TEK: variants seen among roughly 807,000 people sequenced by gnomAD.
TEK encodes the protein angiopoietin-1 receptor.
A neutral mutation model predicts 131.8 loss-of-function variants in TEK; 43 were observed. That is an observed-to-expected ratio of 0.33 (90% CI 0.26 to 0.42). TEK has a LOEUF of 0.42. Ranked by LOEUF, TEK falls within the 10% of genes least tolerant of loss-of-function variation. TEK has a pLI of 1.00. For missense variants in TEK, 1,162 were observed against 1,384.4 expected, an observed-to-expected ratio of 0.84 and a Z score of 2.55; for synonymous variants, 580 against 491.6, an observed-to-expected ratio of 1.18 and a Z score of -2.38.
At chr9:27,223,918 A>G (rs1314137426) in intron 21 of TEK, among the ~76,000 whole-genome samples, 2 of 152,226 alleles carry the variant, frequency 1.3e-5, no homozygotes, top group African/African-American at 4.8e-5. Context: ...AACAAAAATG[A>G]TAAAGGGGAT....
At chr9:27,159,868 C>T (rs946560727) in intron 2 of TEK, among the ~76,000 whole-genome samples, 6 of 152,056 alleles carry the variant, frequency 3.9e-5, no homozygotes, top group African/African-American at 1.4e-4. Flanking sequence ...ATGATCTGGC[C>T]TCTCCCCTAT....
In TEK at chr9:27,109,563, G is replaced by A; in HGVS notation, c.-28G>A. The A allele has an allele frequency of 3.7e-6, 6 of 1,613,968 alleles. No individual in the cohort carries two copies. The highest frequency in any genetic ancestry group is 5.1e-6 in the Non-Finnish European group (6 of 1,179,852). The stretch of plus-strand genomic sequence containing the variant: ...CCTTGGGACCTCATGCACATTTGTG[G>A]AAACTGGATGGAGAGATTTGGGGAA... On this transcript the variant is annotated 5_prime_UTR_variant, in exon 1 of 23. Coordinates refer to ENST00000380036, the MANE Select transcript of TEK (RefSeq NM_000459.5).
chr9:27,197,240 G>A (rs1313512552), intron 11 of TEK, 75 bp from the exon 12 acceptor site: 6 of 1,512,840 alleles, frequency 4.0e-6, no homozygotes, highest in Non-Finnish European at 5.5e-6. Context: ...ATTTCAGTAT[G>A]AGATTTGGGT....
chr9:27,229,128 T>C, intron 22 of TEK, 30 bp from the exon 23 acceptor site: 8 of 1,608,372 alleles, frequency 5.0e-6, no homozygotes, highest in Non-Finnish European at 6.8e-6. Context: ...CAAAGCAGCC[T>C]ATGTCTCTGA....
At chr9:27,157,434 T>C (rs555294468) in intron 1 of TEK, among the ~76,000 whole-genome samples, 29 of 152,320 alleles carry the variant, frequency 1.9e-4, no homozygotes, top group African/African-American at 6.5e-4. Context: ...TAGAATACTT[T>C]ATTATTGTGA....
rs953499497 is a variant in TEK, at chr9:27,229,938, G to A, written c.*706G>A. ...ATACATAAGTTTAGGATAAAATAAT[G>A]GGATTTTCTTTTCTTTTCTCTGGTA... On this transcript the variant is annotated 3_prime_UTR_variant, in exon 23 of 23. Transcript: ENST00000380036. 4 of 152,126 alleles carry A rather than the reference G, an allele frequency of 2.6e-5. No individual in the cohort carries two copies. The highest frequency in any genetic ancestry group is 9.7e-5 in the African/African-American group (4 of 41,412). 9.4% of individuals were successfully genotyped at this position (152,126 alleles called of 1,614,324 possible).
In TEK at chr9:27,192,569, G is replaced by A. The variant is rs752669279; in HGVS notation, c.1570G>A (p.Glu524Lys). Residue 524 changes from glutamate (E) to lysine (K), a missense_variant, in exon 11 of 23, where the codon GAG becomes AAG. Coordinates refer to ENST00000380036, the MANE Select transcript of TEK (RefSeq NM_000459.5). ...ELCVQLVRRG[E>K]GGEGHPGPVR... ...CTGTGTGCAACTGGTCCGTCGTGGA[G>A]AGGGTGGGGAAGGGCATCCTGGACC... 4.3e-6 allele frequency: 7 copies of A among 1,613,906 alleles called. No individual in the cohort carries two copies. The Admixed American group carries it at 1.2e-4, about 27-fold the overall frequency.
intron 11 of TEK, among the ~76,000 whole-genome samples, chr9:27,193,481 G>A (rs1824896248): frequency 6.6e-6 from 1 of 152,094 alleles, no homozygotes. Flanking sequence ...GGTATTGACT[G>A]GCCTTCTATT....
At chr9:27,185,459 TA>T in intron 8 of TEK, 25 bp from the exon 9 acceptor site, 1 of 1,613,486 alleles carries the variant, frequency 6.2e-7, no homozygotes, top group African/African-American at 1.3e-5. Context: ...TAGAAGTTTT[TA>T]TTTTTTTGTA....
intron 1 of TEK, among the ~76,000 whole-genome samples, chr9:27,133,693 G>T (rs576984246): frequency 3.6e-4 from 55 of 152,324 alleles, no homozygotes; most frequent in African/African-American, 1.2e-3. Flanking sequence ...GGAGATGCCT[G>T]TGGGACTGTC....
intron 21 of TEK, among the ~76,000 whole-genome samples, chr9:27,225,082 A>G (rs1296112429): frequency 6.6e-6 from 1 of 152,224 alleles, no homozygotes; most frequent in Admixed American, 6.5e-5. Context: ...GGAGAACTAC[A>G]AACCACTGCT....
chr9:27,112,382 C>T (rs1205980519), intron 1 of TEK, among the ~76,000 whole-genome samples: 2 of 152,102 alleles, frequency 1.3e-5, no homozygotes, highest in Non-Finnish European at 2.9e-5. Context: ...AAGCTGGGAT[C>T]GGAGACACCC....
intron 1 of TEK, among the ~76,000 whole-genome samples, chr9:27,110,875 C>A (rs1821315377): frequency 6.6e-6 from 1 of 151,352 alleles, no homozygotes. Flanking sequence ...TTGACTTCTC[C>A]AATAATATGT....
chr9:27,175,575 A>C (rs1250378604), intron 6 of TEK, among the ~76,000 whole-genome samples: 1 of 152,054 alleles, frequency 6.6e-6, no homozygotes, highest in Non-Finnish European at 1.5e-5. Flanking sequence ...TGACTTCCAC[A>C]ATGGTTGAAC....
chr9:27,180,870 T>C (rs1365058426), intron 7 of TEK, among the ~76,000 whole-genome samples: 1 of 152,208 alleles, frequency 6.6e-6, no homozygotes, highest in East Asian at 1.9e-4. Context: ...CCCACTATCT[T>C]TTTTTAAACA....
chr9:27,123,838 A>G (rs1821889739), intron 1 of TEK, among the ~76,000 whole-genome samples: 1 of 152,216 alleles, frequency 6.6e-6, no homozygotes, highest in African/African-American at 2.4e-5. Context: ...GTGCAATGGC[A>G]TGATTTCGGC....
chr9:27,218,745 G>C, intron 19 of TEK, 32 bp from the exon 20 acceptor site: 1 of 1,613,662 alleles, frequency 6.2e-7, no homozygotes, highest in South Asian at 1.1e-5. Context: ...TCTGTTTGCT[G>C]ATTGTTGGTT....
chr9:27,167,979 C>T (rs1823797229), intron 2 of TEK, among the ~76,000 whole-genome samples: 1 of 151,778 alleles, frequency 6.6e-6, no homozygotes, highest in Non-Finnish European at 1.5e-5. Flanking sequence ...TTTGAGTGTT[C>T]CAAATCCAAA....
At chr9:27,226,086 T>C (rs1734915118) in intron 21 of TEK, among the ~76,000 whole-genome samples, 1 of 152,208 alleles carries the variant, frequency 6.6e-6, no homozygotes. Context: ...AAATGACAGA[T>C]GCTGGAGAGG....
Sources: allele counts gnomAD v4.1 joint callset (sites outside exome capture counted in the v4.1 genomes callset), GRCh38; gene constraint gnomAD v4.1.1; transcripts MANE v1.5; gene names NCBI Gene and HGNC (gene_info 2026-07-23, HGNC 2026-07-21).